C1orf232: variants seen among roughly 807,000 people sequenced by gnomAD.
C1orf232 encodes the protein chromosome 1 open reading frame 230.
Under a neutral mutation model 12.1 loss-of-function variants are expected in C1orf232, and 10 were observed. The ratio of observed to expected loss-of-function variants is 0.82; its 90% CI spans 0.51 to 1.40. The LOEUF is 1.40. Ranked by LOEUF, C1orf232 falls within the 40% of genes most tolerant of loss-of-function variation. The pLI, the probability that C1orf232 is intolerant of heterozygous loss-of-function variation, is 0.00. For missense variants in C1orf232, 88 were observed against 98.4 expected, an observed-to-expected ratio of 0.89 and a Z score of 0.45; for synonymous variants, 36 against 39.8, an observed-to-expected ratio of 0.90 and a Z score of 0.36.
chr1:26,166,879 C>G (rs1312736793), intron 1 of C1orf232, among the ~76,000 whole-genome samples: 1 of 152,198 alleles, frequency 6.6e-6, no homozygotes, highest in Non-Finnish European at 1.5e-5. Flanking sequence ...CACACAAAAC[C>G]TCTCCACCCA....
At chr1:26,166,612 G>A (rs575433124) in intron 1 of C1orf232, among the ~76,000 whole-genome samples, 3 of 151,880 alleles carry the variant, frequency 2.0e-5, no homozygotes, top group Non-Finnish European at 4.4e-5. Flanking sequence ...CCGCCAGTCC[G>A]AGCTGCAGAC....
Position 26,164,289 on chromosome 1 carries a change from C to T in C1orf232, c.433G>A (p.Glu145Lys). 2.5e-6 allele frequency: 1 copy of T among 398,050 alleles called. No homozygotes were observed. The highest frequency in any genetic ancestry group is 4.4e-6 in the Non-Finnish European group (1 of 225,682). The allele number at this position is 398,050 out of a possible 1,614,324, so 24.7% of individuals were successfully genotyped here. The change falls in exon 4 of 4, where the codon GAG (glutamate) becomes AAG (lysine). Residue 145 changes from glutamate (E) to lysine (K), a missense_variant. Physicochemically the swap from Glu to Lys is moderately conservative, Grantham distance 56 (BLOSUM62 1). Coordinates refer to ENST00000634842, the MANE Select transcript of C1orf232 (RefSeq NM_001364669.2). The surrounding 1 kb of genome is among the most constrained non-coding windows in gnomAD (Gnocchi z 4.2). ...TPEPDPEPAD[E>K]AAEEAAERPE... ...CGCTCTGCGGCCTCCTCCGCGGCCT[C>T]GTCCGCGGGTTCGGGGTCCGGCTCC...
intron 3 of C1orf232, 86 bp downstream of exon 3, chr1:26,165,740 A>G (rs2088418477): frequency 8.1e-7 from 1 of 1,231,510 alleles, no homozygotes; most frequent in East Asian, 3.2e-5. Flanking sequence ...AGTGGTTAGA[A>G]AGACAAACAA....
At chr1:26,167,849 C>T (rs987216153) in intron 1 of C1orf232, among the ~76,000 whole-genome samples, 1 of 152,196 alleles carries the variant, frequency 6.6e-6, no homozygotes, top group African/African-American at 2.4e-5. Flanking sequence ...GTCTTGAACT[C>T]CTGAGCTCAG....
At chr1:26,167,088 A>G (rs1272873299) in intron 1 of C1orf232, among the ~76,000 whole-genome samples, 1 of 152,172 alleles carries the variant, frequency 6.6e-6, no homozygotes, top group Non-Finnish European at 1.5e-5. Flanking sequence ...CTCTCCAGAC[A>G]TTTAAGAATT....
intron 1 of C1orf232, among the ~76,000 whole-genome samples, chr1:26,167,334 T>C (rs950955325): frequency 6.6e-6 from 1 of 152,068 alleles, no homozygotes; most frequent in African/African-American, 2.4e-5. Context: ...GGACTACAGG[T>C]GTGTGCCACC....
In C1orf232 at chr1:26,165,885, T is replaced by C. The variant is rs970652527; in HGVS notation, c.207A>G (p.Ser69=). The part of the protein sequence containing the change: ...GVGVKGWLTM[S]SLFNKEDEDK... ...CTTCATCTTCTTTGTTAAACAGAGA[T>C]GACATTGTCAGCCAGCCTTTCACCC... Residue 69 remains serine, a synonymous_variant, in exon 3 of 4, where the codon TCA becomes TCG. Coordinates refer to ENST00000634842, the MANE Select transcript of C1orf232 (RefSeq NM_001364669.2). 1.1e-5 allele frequency: 13 copies of C among 1,231,788 alleles called. No individual in the cohort carries two copies. The highest frequency in any genetic ancestry group is 1.2e-5 in the Non-Finnish European group (12 of 988,046). The allele number at this position is 1,231,788 out of a possible 1,614,324, so 76.3% of individuals were successfully genotyped here.
chr1:26,168,570 G>T lies in C1orf232; in HGVS notation c.-71C>A. The stretch of plus-strand genomic sequence containing the variant: ...GGCTCAGTGGATACCAGTGAGTCTG[G>T]CTCTAGGAACTTGGTGAGGCCAAGA... On this transcript the variant is annotated 5_prime_UTR_variant, in exon 1 of 4. Transcript: ENST00000634842. 2.8e-6 allele frequency: 3 copies of T among 1,082,622 alleles called. No homozygotes were observed. The highest frequency in any genetic ancestry group is 3.5e-6 in the Non-Finnish European group (3 of 851,884). 67.1% of individuals were successfully genotyped at this position (1,082,622 alleles called of 1,614,324 possible).
rs142340244 is a variant in C1orf232 at position 26,167,981 on chromosome 1, G to A, written c.84+435C>T. Among the ~76,000 whole-genome samples, 799 of 152,270 alleles carry A rather than the reference G, an allele frequency of 5.2e-3. 5 individuals carry two copies. Among genetic ancestry groups the A allele is most frequent in the African/African-American group, 0.017 (713 of 41,548 alleles). The stretch of plus-strand genomic sequence containing the variant: ...TTGTTTTTTGTAATGTCAGAACAAA[G>A]CATGGTCTAAGTATGGCTTTGATCT... On this transcript the variant is annotated intron_variant, in intron 1 of 3. Transcript: ENST00000634842.
Position 26,165,854 on chromosome 1 carries a change from G to A in C1orf232, c.238C>T (p.Leu80=), listed in dbSNP as rs1267000081. ...SLFNKEDEDK[L]LPSEPCADHP... ...TCAGCGCAAGGCTCTGATGGCAGCA[G>A]CTTATCTTCATCTTCTTTGTTAAAC... The change falls in exon 3 of 4, where the codon CTG becomes TTG. Residue 80 remains leucine (L), a synonymous_variant. Coordinates refer to ENST00000634842, the MANE Select transcript of C1orf232 (RefSeq NM_001364669.2). 2.4e-6 allele frequency: 3 copies of A among 1,231,664 alleles called. No homozygotes were observed. Among genetic ancestry groups the A allele is most frequent in the South Asian group, 4.1e-5 (1 of 24,324 alleles). 76.3% of individuals were successfully genotyped at this position (1,231,664 alleles called of 1,614,324 possible).
rs1416579852 is a variant in C1orf232 at position 26,164,634 on chromosome 1, A to G, written c.267-179T>C. 2.1e-5 allele frequency among the ~76,000 whole-genome samples: 3 copies of G among 144,904 alleles called. No homozygotes were observed. Among genetic ancestry groups the G allele is most frequent in the Admixed American group, 2.1e-4 (3 of 14,626 alleles). ...GACGAGGAGGAGGGTCAGGGCCTGG[A>G]GGCAAGGGGAGGGCTCAGAGGCCCT... On this transcript the variant is annotated intron_variant, in intron 3 of 3. Coordinates refer to ENST00000634842, the MANE Select transcript of C1orf232 (RefSeq NM_001364669.2). The surrounding 1 kb of genome is among the most constrained non-coding windows in gnomAD (Gnocchi z 4.2).
chr1:26,164,138 G>A lies in C1orf232; in HGVS notation c.*23C>T, dbSNP rs2088396939. The A allele has an allele frequency of 2.5e-6, 1 of 398,268 alleles. No homozygotes were observed. The highest frequency in any genetic ancestry group is 4.4e-6 in the Non-Finnish European group (1 of 225,838). The allele number at this position is 398,268 out of a possible 1,614,324, so 24.7% of individuals were successfully genotyped here. A position where few individuals can be genotyped will look rare whatever the true frequency, so the allele number is the denominator to read the frequency against. On this transcript the variant is annotated 3_prime_UTR_variant, in exon 4 of 4. Transcript: ENST00000634842. The surrounding 1 kb of genome is among the most constrained non-coding windows in gnomAD (Gnocchi z 4.2). ...GTTTTTTATCAGGGGTGGGAGCAGC[G>A]GGCGCGGGGTTCTGCCAGCCTGCTA...
intron 3 of C1orf232, among the ~76,000 whole-genome samples, chr1:26,165,185 T>A (rs1382000360): frequency 6.6e-6 from 1 of 150,574 alleles, no homozygotes; most frequent in African/African-American, 2.5e-5. Context: ...GAGAAAAGAA[T>A]AGGGTCAACG....
At chr1:26,168,319 C>A (rs2088447827) in intron 1 of C1orf232, 97 bp downstream of exon 1, 3 of 870,170 alleles carry the variant, frequency 3.4e-6, no homozygotes, top group Admixed American at 4.3e-5. Flanking sequence ...AAATGTGGCC[C>A]CCCCACCTCC....
intron 1 of C1orf232, 82 bp from the exon 2 acceptor site, chr1:26,166,200 A>C: frequency 9.7e-7 from 1 of 1,029,588 alleles, no homozygotes; most frequent in Non-Finnish European, 1.2e-6. Flanking sequence ...CCTAGTACAC[A>C]CAGACCAGGC....
Position 26,164,439 on chromosome 1 carries a change from G to T in C1orf232, c.283C>A (p.Pro95Thr), listed in dbSNP as rs1392541903. The T allele has an allele frequency of 2.6e-6, 1 of 378,902 alleles. No homozygotes were observed. The highest frequency in any genetic ancestry group is 4.7e-6 in the Non-Finnish European group (1 of 213,454). The allele number at this position is 378,902 out of a possible 1,614,324, so 23.5% of individuals were successfully genotyped here. A position where few individuals can be genotyped will look rare whatever the true frequency, so the allele number is the denominator to read the frequency against. ...GCCGCCGCCGCCGCCTGCGAGGGGG[G>T]TCGCGCCGCCAGAGGGCTGCGGGAG... Reference protein sequence around the residue: ...PCADHPLAARPPSQAAAAAEA... With the variant: ...PCADHPLAARTPSQAAAAAEA... Residue 95 changes from proline to threonine, a missense_variant, in exon 4 of 4, where the codon CCC (proline) becomes ACC (threonine). Pro to Thr is a conservative substitution (Grantham distance 38). Transcript: ENST00000634842. This position sits in a 1 kb window ranked among gnomAD's most constrained non-coding sequence, Gnocchi z 4.2.
chr1:26,166,267 C>T (rs2088425075), intron 1 of C1orf232, 149 bp from the exon 2 acceptor site: 8 of 466,262 alleles, frequency 1.7e-5, no homozygotes, highest in Non-Finnish European at 1.7e-5. Context: ...TCCACAAGGG[C>T]ACATGGGAAT....
At chr1:26,165,109 T>C (rs2088412204) in intron 3 of C1orf232, among the ~76,000 whole-genome samples, 1 of 91,124 alleles carries the variant, frequency 1.1e-5, no homozygotes, top group South Asian at 3.5e-4. Flanking sequence ...GGAACTGGGG[T>C]TGGGGGTGGG....
In C1orf232 at chr1:26,164,736, C is replaced by A. The variant is rs955625155; in HGVS notation, c.267-281G>T. On this transcript the variant is annotated intron_variant, in intron 3 of 3. Coordinates refer to ENST00000634842, the MANE Select transcript of C1orf232 (RefSeq NM_001364669.2). The surrounding 1 kb of genome is among the most constrained non-coding windows in gnomAD (Gnocchi z 4.2). ...GAGGGAGGGGACCGGGATCAGGATCCCTGGGGAGAGAATGAGGTCAGGGTT... is the reference window on the plus strand; with the variant it reads ...GAGGGAGGGGACCGGGATCAGGATCACTGGGGAGAGAATGAGGTCAGGGTT... 6.6e-6 allele frequency among the ~76,000 whole-genome samples: 1 copy of A among 151,876 alleles called. No homozygotes were observed. The highest frequency in any genetic ancestry group is 2.4e-5 in the African/African-American group (1 of 41,346).
Sources: allele counts gnomAD v4.1 joint callset (sites outside exome capture counted in the v4.1 genomes callset), GRCh38; gene constraint gnomAD v4.1.1; non-coding constraint Gnocchi (gnomAD v3.1); transcripts MANE v1.5; gene names NCBI Gene and HGNC (gene_info 2026-07-23, HGNC 2026-07-21).